Variants in LSAMP observed in about 807,000 individuals in gnomAD.
LSAMP encodes the protein limbic system associated membrane protein.
LSAMP carries 7 observed loss-of-function variants against 38.6 expected under a neutral mutation model. The observed-to-expected ratio is 0.18, with a 90% CI of 0.10 to 0.34. The LOEUF (loss-of-function observed/expected upper bound fraction) is 0.34, where lower values mean the gene tolerates loss of function less well. Ranked by LOEUF, LSAMP falls within the 10% of genes least tolerant of loss-of-function variation. LSAMP has a pLI of 1.00. For synonymous variants in LSAMP, 154 were observed against 166.8 expected (o/e 0.92, Z 0.59); for missense variants, 313 against 420.0 (o/e 0.75, Z 2.23).
chr3:115,997,881 T>TGTA (rs1247782747), intron 3 of LSAMP, among the ~76,000 whole-genome samples: 1 of 145,652 alleles, frequency 6.9e-6, no homozygotes, highest in African/African-American at 2.5e-5. Context: ...ACAATATACA[T>TGTA]TATTATATAT....
chr3:116,269,555 G>GTAATTCTGTTCTATAT (rs2046942099), intron 1 of LSAMP, among the ~76,000 whole-genome samples: 1 of 151,836 alleles, frequency 6.6e-6, no homozygotes, highest in South Asian at 2.1e-4. Flanking sequence ...TTTTCTTTAC[G>GTAATTCTGTTCTATAT]TAATTCTGTT....
At chr3:116,235,055 T>A (rs906088997) in intron 1 of LSAMP, among the ~76,000 whole-genome samples, 1 of 152,050 alleles carries the variant, frequency 6.6e-6, no homozygotes, top group African/African-American at 2.4e-5. Context: ...AAAGACATAA[T>A]TTGGAACATG....
intron 2 of LSAMP, among the ~76,000 whole-genome samples, chr3:116,074,844 C>CTTTTTTTTTTTTTTTT (rs1161460100): frequency 1.9e-4 from 25 of 128,368 alleles, no homozygotes; most frequent in African/African-American, 7.1e-4. Context: ...TTTCTTTATT[C>CTTTTTTTTTTTTTTTT]TTTTTTTTTT....
chr3:116,303,589 G>A (rs1438368837), intron 1 of LSAMP, among the ~76,000 whole-genome samples: 1 of 152,104 alleles, frequency 6.6e-6, no homozygotes, highest in Non-Finnish European at 1.5e-5. Flanking sequence ...TTCCACACTG[G>A]TAAAAACTAT....
chr3:116,439,946 C>A (rs528982492), intron 1 of LSAMP, among the ~76,000 whole-genome samples: 1 of 152,346 alleles, frequency 6.6e-6, no homozygotes, highest in Admixed American at 6.5e-5. Context: ...TGATCTCAAT[C>A]TCTTGACCTT....
chr3:115,976,919 C>A (rs1379447953), intron 3 of LSAMP, among the ~76,000 whole-genome samples: 2 of 152,132 alleles, frequency 1.3e-5, no homozygotes, highest in African/African-American at 4.8e-5. Flanking sequence ...AAACTACCTA[C>A]TCTCAGGTAG....
At position 115,835,856 on chromosome 3, in the gene LSAMP, T is replaced by G. The variant is rs368411013; in HGVS notation, c.919+5989A>C. Among the ~76,000 whole-genome samples, 64 of 152,338 alleles carry G rather than the reference T, an allele frequency of 4.2e-4. No individual in the cohort carries two copies. The East Asian group carries it at 5.2e-3, about 12-fold the overall frequency. ...TCAACAGCAGCCCAGTGAACAATTG[T>G]GTGTTAGTTACACAAGTGTCAAGTA... On this transcript the variant is annotated intron_variant, in intron 6 of 6. Coordinates refer to ENST00000490035, the MANE Select transcript of LSAMP (RefSeq NM_002338.5).
intron 6 of LSAMP, among the ~76,000 whole-genome samples, chr3:115,817,545 A>G (rs1934071910): frequency 6.6e-6 from 1 of 152,208 alleles, no homozygotes; most frequent in Non-Finnish European, 1.5e-5. Context: ...CAAGTAAACC[A>G]CAATGCTCTT....
chr3:116,076,030 A>G (rs2107396763), intron 2 of LSAMP, among the ~76,000 whole-genome samples: 1 of 152,254 alleles, frequency 6.6e-6, no homozygotes, highest in Non-Finnish European at 1.5e-5. Context: ...ATTTTCATAC[A>G]TGGCTGTTTA....
At chr3:115,915,186 C>G (rs1446165944) in intron 3 of LSAMP, among the ~76,000 whole-genome samples, 1 of 152,154 alleles carries the variant, frequency 6.6e-6, no homozygotes, top group African/African-American at 2.4e-5. Context: ...CAGTGGTGAC[C>G]AAACACTCCA....
intron 6 of LSAMP, among the ~76,000 whole-genome samples, chr3:115,812,739 A>T (rs991683159): frequency 6.6e-6 from 1 of 152,222 alleles, no homozygotes; most frequent in African/African-American, 2.4e-5. Context: ...ATAGTGTAAA[A>T]CAAAAGGTTT....
intron 6 of LSAMP, among the ~76,000 whole-genome samples, chr3:115,811,377 A>G (rs1003522116): frequency 6.6e-6 from 1 of 152,102 alleles, no homozygotes; most frequent in African/African-American, 2.4e-5. Context: ...TGCTTGTTCC[A>G]TTTTCTCCAT....
chr3:116,383,465 A>AT (rs1702595713), intron 1 of LSAMP, among the ~76,000 whole-genome samples: 1 of 152,164 alleles, frequency 6.6e-6, no homozygotes, highest in African/African-American at 2.4e-5. Flanking sequence ...CAATAAGTAC[A>AT]TTATGCCTTA....
At chr3:116,127,325 G>A (rs1486226161) in intron 1 of LSAMP, among the ~76,000 whole-genome samples, 4 of 152,100 alleles carry the variant, frequency 2.6e-5, no homozygotes, top group Non-Finnish European at 4.4e-5. Context: ...ACACATACAT[G>A]TCTTGGTCAA....
intron 3 of LSAMP, among the ~76,000 whole-genome samples, chr3:116,016,609 G>A (rs868223619): frequency 6.6e-6 from 1 of 152,120 alleles, no homozygotes; most frequent in Non-Finnish European, 1.5e-5. Flanking sequence ...GGGCCTAATA[G>A]AAAATATTTT....
intron 2 of LSAMP, among the ~76,000 whole-genome samples, chr3:116,069,214 G>C (rs12495426): frequency 0.47 from 70,719 of 151,964 alleles, 17,766 homozygotes; most frequent in African/African-American, 0.67. Flanking sequence ...CCCCTTCTTA[G>C]CACGTTTCAG....
chr3:115,904,938 T>C (rs1936972625), intron 3 of LSAMP, among the ~76,000 whole-genome samples: 1 of 152,162 alleles, frequency 6.6e-6, no homozygotes, highest in African/African-American at 2.4e-5. Context: ...GTCTTCACAA[T>C]ACCTATCCCA....
intron 3 of LSAMP, among the ~76,000 whole-genome samples, chr3:115,943,168 A>G (rs1388465461): frequency 6.6e-6 from 1 of 152,216 alleles, no homozygotes; most frequent in Non-Finnish European, 1.5e-5. Flanking sequence ...CCTGTGGTAC[A>G]GCCAATGAGC....
chr3:116,408,431 T>A (rs1414881269), intron 1 of LSAMP, among the ~76,000 whole-genome samples: 2 of 152,094 alleles, frequency 1.3e-5, no homozygotes, highest in South Asian at 2.1e-4. Context: ...AAGAAGAATA[T>A]TTAGCATTCT....
Sources: allele counts gnomAD v4.1 joint callset (sites outside exome capture counted in the v4.1 genomes callset), GRCh38; gene constraint gnomAD v4.1.1; transcripts MANE v1.5; gene names NCBI Gene and HGNC (gene_info 2026-07-23, HGNC 2026-07-21).